Variants in CSNK1G3 observed in about 807,000 individuals in gnomAD.
CSNK1G3 encodes the protein casein kinase 1 gamma 3.
CSNK1G3 carries 23 observed loss-of-function variants against 64.3 expected under a neutral mutation model. That is an observed-to-expected ratio of 0.36 (90% CI 0.26 to 0.51). CSNK1G3 has a LOEUF of 0.51. Among genes scored for constraint, CSNK1G3 ranks in the 20% least tolerant of loss-of-function variants. The pLI, the probability that CSNK1G3 is intolerant of heterozygous loss-of-function variation, is 0.96. For synonymous variants in CSNK1G3, 158 were observed against 162.2 expected, an observed-to-expected ratio of 0.97 and a Z score of 0.20; for missense variants, 357 against 510.5, an observed-to-expected ratio of 0.70 and a Z score of 2.90.
intron 2 of CSNK1G3, chr5:123,546,060 A>G (rs1782464736): frequency 8.8e-6 from 4 of 454,354 alleles, no homozygotes; most frequent in African/African-American, 1.9e-5. Flanking sequence ...GAGATTGACT[A>G]TCCAGATTAT....
intron 1 of CSNK1G3, among the ~76,000 whole-genome samples, chr5:123,537,434 G>C (rs1025524777): frequency 6.6e-6 from 1 of 151,896 alleles, no homozygotes; most frequent in Non-Finnish European, 1.5e-5. Flanking sequence ...AAGGGTGAGG[G>C]GGTGGGAGGG....
intron 6 of CSNK1G3, among the ~76,000 whole-genome samples, chr5:123,584,747 A>G (rs925821497): frequency 6.6e-6 from 1 of 152,158 alleles, no homozygotes; most frequent in Non-Finnish European, 1.5e-5. Flanking sequence ...TAATAAATTT[A>G]ATTTCTTTAA....
chr5:123,551,370 C>T (rs565578229), intron 2 of CSNK1G3, among the ~76,000 whole-genome samples: 7 of 151,728 alleles, frequency 4.6e-5, no homozygotes, highest in Admixed American at 1.3e-4. Context: ...TGAAATATTC[C>T]GTAATTTTTA....
intron 4 of CSNK1G3, among the ~76,000 whole-genome samples, chr5:123,570,824 T>C (rs1389105986): frequency 6.6e-6 from 1 of 152,188 alleles, no homozygotes; most frequent in African/African-American, 2.4e-5. Flanking sequence ...ATTAACAACT[T>C]TCAGTGGCAG....
chr5:123,590,934 T>A (rs1486024979), intron 9 of CSNK1G3, among the ~76,000 whole-genome samples: 1 of 152,014 alleles, frequency 6.6e-6, no homozygotes. Flanking sequence ...ATTTTATTAG[T>A]TTTTTTATTC....
rs1240141342 is a variant in CSNK1G3 at position 123,551,716 on chromosome 5, CAT to C, written c.179-1390_179-1389del. Among the ~76,000 whole-genome samples, 5 of 152,126 alleles carry C rather than the reference CAT, an allele frequency of 3.3e-5. No individual in the cohort carries two copies. The East Asian group carries it at 9.6e-4, about 29-fold the overall frequency. On this transcript the variant is annotated intron_variant, in intron 2 of 12. Coordinates refer to ENST00000345990, the Ensembl canonical transcript of CSNK1G3. ...TTCAGGCCATTATGCTGGAAAATCA[CAT>C]GTGTCATAGTTGTTGATTGCTTCTT... is the stretch of plus-strand genomic sequence containing the variant.
Position 123,517,211 on chromosome 5 carries a change from C to A in CSNK1G3, c.-248+4641C>A, listed in dbSNP as rs181372917. Reference sequence around the variant, plus strand: ...ACTCGTGAGATTAAATGATAGTCTTCATTCTCTCTGTAGAATTTGCTGACT... The same window carrying A: ...ACTCGTGAGATTAAATGATAGTCTTAATTCTCTCTGTAGAATTTGCTGACT... On this transcript the variant is annotated intron_variant, in intron 1 of 12. Transcript: ENST00000345990. Among the ~76,000 whole-genome samples, 4 of 152,298 alleles carry A rather than the reference C, an allele frequency of 2.6e-5. No individual in the cohort carries two copies. In the East Asian group the frequency reaches 7.7e-4, roughly 29 times the overall value.
chr5:123,565,747 G>C (rs1163719533), intron 4 of CSNK1G3, among the ~76,000 whole-genome samples: 1 of 152,110 alleles, frequency 6.6e-6, no homozygotes, highest in Non-Finnish European at 1.5e-5. Context: ...CATGGCAGAA[G>C]GCAAGGGGAA....
chr5:123,613,278 T>A (rs1398353708), intron 12 of CSNK1G3, among the ~76,000 whole-genome samples: 2 of 151,866 alleles, frequency 1.3e-5, no homozygotes, highest in African/African-American at 4.8e-5. Context: ...TGTGTTCATC[T>A]CCTCTTTTAG....
chr5:123,541,089 G>A (rs915149092), intron 1 of CSNK1G3, among the ~76,000 whole-genome samples: 11 of 152,102 alleles, frequency 7.2e-5, no homozygotes, highest in African/African-American at 2.7e-4. Context: ...GTAGTTGATG[G>A]TATTATCTAG....
At chr5:123,574,010 C>T (rs545092269) in intron 5 of CSNK1G3, among the ~76,000 whole-genome samples, 4 of 152,038 alleles carry the variant, frequency 2.6e-5, no homozygotes, top group South Asian at 2.1e-4. Flanking sequence ...CCACTACGCC[C>T]GACCAATTTT....
At chr5:123,577,820 A>G (rs748310284) in intron 6 of CSNK1G3, among the ~76,000 whole-genome samples, 2 of 151,934 alleles carry the variant, frequency 1.3e-5, no homozygotes, top group African/African-American at 2.4e-5. Context: ...TAACCCACAC[A>G]CTATCAAGAT....
intron 1 of CSNK1G3, among the ~76,000 whole-genome samples, chr5:123,530,640 T>C (rs896772975): frequency 2.5e-4 from 38 of 152,314 alleles, no homozygotes; most frequent in African/African-American, 9.1e-4. Flanking sequence ...ATCCACAGTT[T>C]GGAGAACATT....
exon 13 of CSNK1G3, chr5:123,616,891 A>G (rs1749540507): frequency 6.6e-6 from 1 of 152,180 alleles, no homozygotes; most frequent in Non-Finnish European, 1.5e-5. Context: ...AGCTAAAGGA[A>G]TATGCTTTTG....
At chr5:123,519,243 G>C (rs1285899892) in intron 1 of CSNK1G3, among the ~76,000 whole-genome samples, 1 of 151,818 alleles carries the variant, frequency 6.6e-6, no homozygotes, top group Non-Finnish European at 1.5e-5. Flanking sequence ...TAGTAGAGAC[G>C]GGGTTTTGCC....
At chr5:123,563,844 T>G (rs919960305) in intron 4 of CSNK1G3, among the ~76,000 whole-genome samples, 1 of 152,094 alleles carries the variant, frequency 6.6e-6, no homozygotes, top group Non-Finnish European at 1.5e-5. Context: ...ATACTTAGAC[T>G]ATTGCTTACT....
chr5:123,562,655 A>T (rs912186926), intron 4 of CSNK1G3, among the ~76,000 whole-genome samples: 4 of 152,050 alleles, frequency 2.6e-5, no homozygotes, highest in Non-Finnish European at 5.9e-5. Context: ...TCAAATTTTT[A>T]AATTCTAAAA....
chr5:123,549,754 A>G (rs1783288015), intron 2 of CSNK1G3, among the ~76,000 whole-genome samples: 1 of 152,182 alleles, frequency 6.6e-6, no homozygotes, highest in South Asian at 2.1e-4. Context: ...TGTTAAGTAT[A>G]GTAACCTTTG....
At chr5:123,579,045 AAATATAC>A (rs1789727911) in intron 6 of CSNK1G3, among the ~76,000 whole-genome samples, 1 of 151,950 alleles carries the variant, frequency 6.6e-6, no homozygotes, top group African/African-American at 2.4e-5. Context: ...AAGTACCTTC[AAATATAC>A]AATCACAGAT....
Sources: gnomAD v4.1 joint callset for allele counts (sites outside exome capture counted in the v4.1 genomes callset) on GRCh38, gnomAD v4.1.1 for gene constraint, MANE v1.5 for transcripts, NCBI Gene and HGNC (gene_info 2026-07-23, HGNC 2026-07-21) for gene names.